PRKN: variants seen among roughly 807,000 people sequenced by gnomAD.
The protein encoded by PRKN is E3 ubiquitin-protein ligase parkin.
In PRKN, 56 loss-of-function variants were observed where a neutral mutation model predicts 59.5. The ratio of observed to expected loss-of-function variants is 0.94; its 90% CI spans 0.76 to 1.18. The LOEUF (loss-of-function observed/expected upper bound fraction) is 1.18. Ranked by LOEUF, PRKN falls within the 50% of genes most tolerant of loss-of-function variation. The pLI, the probability that PRKN is intolerant of heterozygous loss-of-function variation, is 0.00. For missense variants in PRKN, 657 were observed against 596.4 expected (o/e 1.10, Z -1.06); for synonymous variants, 250 against 222.1 (o/e 1.13, Z -1.12).
Position 161,545,029 on chromosome 6 carries a change from G to A in PRKN, c.1083+3825C>T, listed in dbSNP as rs1432204700. 4 of 422,818 alleles carry A rather than the reference G, an allele frequency of 9.5e-6. No individual in the cohort carries two copies. The highest frequency in any genetic ancestry group is 1.4e-5 in the Non-Finnish European group (4 of 295,950). 26.2% of individuals were successfully genotyped at this position (422,818 alleles called of 1,614,324 possible). On this transcript the variant is annotated intron_variant, in intron 9 of 11. Transcript: ENST00000366898. The surrounding 1 kb of genome is among the most constrained non-coding windows in gnomAD (Gnocchi z 4.1). ...TACATGGTCGTGGGTGAAATGACTA[G>A]AAGATTAGAATCCTCTGGAGCCCAG...
intron 6 of PRKN, among the ~76,000 whole-genome samples, chr6:161,882,519 A>C (rs555110614): frequency 6.6e-6 from 1 of 152,154 alleles, no homozygotes; most frequent in Non-Finnish European, 1.5e-5. Flanking sequence ...TCAGCTTCTC[A>C]TCAATTATCC....
chr6:161,665,682 AT>A (rs1400250742), intron 7 of PRKN, among the ~76,000 whole-genome samples: 2 of 152,242 alleles, frequency 1.3e-5, no homozygotes. Flanking sequence ...AGTATCAAAC[AT>A]TTTAGGTCAA....
At chr6:161,866,991 A>G (rs563721377) in intron 6 of PRKN, among the ~76,000 whole-genome samples, 63 of 152,288 alleles carry the variant, frequency 4.1e-4, no homozygotes, top group African/African-American at 1.5e-3. Flanking sequence ...TGAGTTCTCT[A>G]TTAGCTGGTG....
intron 7 of PRKN, among the ~76,000 whole-genome samples, chr6:161,731,932 A>C (rs1372537266): frequency 6.6e-6 from 1 of 152,086 alleles, no homozygotes; most frequent in Non-Finnish European, 1.5e-5. Context: ...CATTACATTT[A>C]CTTTTTTTGG....
At chr6:162,459,089 G>T (rs2128173485) in intron 1 of PRKN, among the ~76,000 whole-genome samples, 1 of 152,182 alleles carries the variant, frequency 6.6e-6, no homozygotes, top group East Asian at 1.9e-4. Context: ...CAAAGTGCTG[G>T]GATTACAGGC....
At chr6:162,354,481 C>T (rs1784760240) in intron 2 of PRKN, among the ~76,000 whole-genome samples, 2 of 151,864 alleles carry the variant, frequency 1.3e-5, no homozygotes, top group Admixed American at 1.3e-4. Flanking sequence ...CTATTTTGGC[C>T]AGAATCACAA....
At chr6:161,779,789 T>C (rs1273847493) in intron 7 of PRKN, among the ~76,000 whole-genome samples, 2 of 152,154 alleles carry the variant, frequency 1.3e-5, no homozygotes, top group Non-Finnish European at 2.9e-5. Context: ...TTTTATTTTA[T>C]GTGTCTTGTT....
At chr6:162,108,790 T>C (rs1173588148) in intron 4 of PRKN, among the ~76,000 whole-genome samples, 2 of 152,188 alleles carry the variant, frequency 1.3e-5, no homozygotes, top group African/African-American at 2.4e-5. Flanking sequence ...TAGGACTAGA[T>C]AGATTTAATC....
chr6:161,645,988 T>G (rs1398624671), intron 7 of PRKN, among the ~76,000 whole-genome samples: 1 of 126,268 alleles, frequency 7.9e-6, no homozygotes, highest in African/African-American at 2.8e-5. Flanking sequence ...TGCGTGTGCG[T>G]GCGTGGCGGA....
chr6:162,339,490 C>T (rs1784056449), intron 2 of PRKN, among the ~76,000 whole-genome samples: 1 of 146,476 alleles, frequency 6.8e-6, no homozygotes, highest in African/African-American at 2.5e-5. Flanking sequence ...TCTGCCCGGC[C>T]AGCCGCCCCG....
chr6:161,973,436 T>C lies in PRKN; in HGVS notation c.619-19A>G. 3 of 1,359,508 alleles carry C rather than the reference T, an allele frequency of 2.2e-6. No homozygotes were observed. Among genetic ancestry groups the C allele is most frequent in the Non-Finnish European group, 3.2e-6 (3 of 948,380 alleles). 84.2% of individuals were successfully genotyped at this position (1,359,508 alleles called of 1,614,324 possible). On this transcript the variant is annotated intron_variant, in intron 5 of 11. Coordinates refer to ENST00000366898, the MANE Select transcript of PRKN (RefSeq NM_004562.3). The stretch of plus-strand genomic sequence containing the variant: ...AAAATTCCTGAAAGAAAGATAAATA[T>C]GATCACACACATGGATCCCGGCTGC...
At chr6:161,898,609 G>C (rs373849961) in intron 6 of PRKN, among the ~76,000 whole-genome samples, 1 of 152,192 alleles carries the variant, frequency 6.6e-6, no homozygotes, top group South Asian at 2.1e-4. Flanking sequence ...CAAAGCTAAA[G>C]TTGCGGGCAT....
intron 1 of PRKN, among the ~76,000 whole-genome samples, chr6:162,527,755 C>T (rs1778347064): frequency 6.6e-6 from 1 of 152,102 alleles, no homozygotes; most frequent in South Asian, 2.1e-4. Context: ...TAGGAGAAAG[C>T]AATATAGCTC....
intron 3 of PRKN, among the ~76,000 whole-genome samples, chr6:162,220,488 T>G (rs1777879113): frequency 6.6e-6 from 1 of 152,018 alleles, no homozygotes; most frequent in Admixed American, 6.6e-5. Flanking sequence ...AAAGAGTGAC[T>G]AAATCAATCA....
intron 7 of PRKN, among the ~76,000 whole-genome samples, chr6:161,680,759 ATATATATATATATATAT>A (rs1355240539): frequency 1.6e-3 from 18 of 11,442 alleles, no homozygotes; most frequent in Middle Eastern, 0.042. Context: ...ATATATATAT[ATATATATATATATATAT>A]TTTTTTTTTT....
intron 7 of PRKN, among the ~76,000 whole-genome samples, chr6:161,658,233 C>T (rs1191623107): frequency 5.3e-5 from 8 of 151,680 alleles, no homozygotes; most frequent in Non-Finnish European, 1.2e-4. Context: ...CAATTTCTTT[C>T]TGAGATTACT....
chr6:162,642,928 C>CACG (rs1222088294), intron 1 of PRKN, among the ~76,000 whole-genome samples: 1 of 151,920 alleles, frequency 6.6e-6, no homozygotes, highest in Non-Finnish European at 1.5e-5. Flanking sequence ...CATTGTAAGA[C>CACG]ATAGTATGAT....
intron 2 of PRKN, among the ~76,000 whole-genome samples, chr6:162,315,550 T>C (rs900943601): frequency 6.6e-6 from 1 of 152,142 alleles, no homozygotes; most frequent in African/African-American, 2.4e-5. Context: ...TTGTCTTGTG[T>C]TTTATCTAGC....
At chr6:162,601,393 G>A (rs1054654335) in intron 1 of PRKN, among the ~76,000 whole-genome samples, 1 of 152,032 alleles carries the variant, frequency 6.6e-6, no homozygotes, top group Non-Finnish European at 1.5e-5. Context: ...TATAAAGTAT[G>A]TAATATTTGT....
Sources: allele counts gnomAD v4.1 joint callset (sites outside exome capture counted in the v4.1 genomes callset), GRCh38; gene constraint gnomAD v4.1.1; non-coding constraint Gnocchi (gnomAD v3.1); transcripts MANE v1.5; gene names NCBI Gene and HGNC (gene_info 2026-07-23, HGNC 2026-07-21).